PLCZ1: variants seen among roughly 807,000 people sequenced by gnomAD.
PLCZ1 encodes the protein 1-phosphatidylinositol 4,5-bisphosphate phosphodiesterase zeta-1.
A neutral mutation model predicts 76.8 loss-of-function variants in PLCZ1; 64 were observed. The observed-to-expected ratio is 0.83, with a 90% CI of 0.68 to 1.03. PLCZ1 has a LOEUF of 1.03. PLCZ1 is among the 50% of genes least tolerant of loss of function. The pLI is 0.00. For synonymous variants in PLCZ1, 248 were observed against 230.8 expected (o/e 1.07, Z -0.68); for missense variants, 751 against 713.7 (o/e 1.05, Z -0.60).
At chr12:18,650,723 T>C in the PLCZ1 span, among the ~76,000 whole-genome samples, 1 of 18,368 alleles carries the variant, frequency 5.4e-5, no homozygotes, top group Non-Finnish European at 8.6e-5. Context: ...TATATATATA[T>C]ATATATATAT....
intron 9 of PLCZ1, 34 bp from the exon 10 acceptor site, chr12:18,699,984 T>G: frequency 6.3e-7 from 1 of 1,581,410 alleles, no homozygotes; most frequent in Non-Finnish European, 8.6e-7. Context: ...TACATTTTTA[T>G]GCTAATCATT....
the PLCZ1 span, among the ~76,000 whole-genome samples, chr12:18,649,974 C>G: frequency 6.6e-6 from 1 of 151,816 alleles, no homozygotes; most frequent in East Asian, 1.9e-4. Flanking sequence ...CTCCCCTTTC[C>G]CATCAAGCTT....
chr12:18,669,314 G>T, the PLCZ1 span, among the ~76,000 whole-genome samples: 1 of 152,062 alleles, frequency 6.6e-6, no homozygotes, highest in African/African-American at 2.4e-5. Context: ...TATATGTGTG[G>T]TCTCTTGTAT....
the PLCZ1 span, among the ~76,000 whole-genome samples, chr12:18,658,964 T>C: frequency 1.3e-5 from 2 of 152,152 alleles, no homozygotes; most frequent in Non-Finnish European, 1.5e-5. Context: ...TTGGTGAAGA[T>C]ATTATAATCA....
chr12:18,737,367 T>G lies in PLCZ1; in HGVS notation c.5A>C (p.Glu2Ala). 6.2e-7 allele frequency: 1 copy of G among 1,613,710 alleles called. No homozygotes were observed. Among genetic ancestry groups the G allele is most frequent in the Admixed American group, 1.7e-5 (1 of 59,990 alleles). ...AGAAGCTCTCAATGGATATCTCATT[T>G]CCATAGTTTCATGACCTGTAGAGCC... M[E>A]MRWFLSKIQD... Residue 2 changes from glutamate to alanine, a missense_variant, in exon 2 of 15, where the codon GAA becomes GCA. Transcript: ENST00000266505.
intron 7 of PLCZ1, among the ~76,000 whole-genome samples, chr12:18,704,102 A>G (rs1956278967): frequency 6.6e-6 from 1 of 152,176 alleles, no homozygotes; most frequent in South Asian, 2.1e-4. Flanking sequence ...TGGTGTTACA[A>G]CAGAAAGTAA....
At chr12:18,683,987 A>T in intron 14 of PLCZ1, 143 bp downstream of exon 14, 1 of 1,045,520 alleles carries the variant, frequency 9.6e-7, no homozygotes, top group South Asian at 1.5e-5. Flanking sequence ...ATAATTCCAC[A>T]GAGAAAAAAT....
chr12:18,737,213 G>A, intron 2 of PLCZ1, 148 bp downstream of exon 2: 1 of 840,726 alleles, frequency 1.2e-6, no homozygotes, highest in Non-Finnish European at 2.0e-6. Context: ...GGGAAAGTTA[G>A]AAAAGCTCAG....
chr12:18,692,389 A>T (rs1954245164), intron 12 of PLCZ1, among the ~76,000 whole-genome samples: 1 of 152,206 alleles, frequency 6.6e-6, no homozygotes, highest in African/African-American at 2.4e-5. Context: ...TTTTCAAAAG[A>T]TTTAATGACA....
chr12:18,650,704 G>GTGTATATA, the PLCZ1 span, among the ~76,000 whole-genome samples: 2 of 57,762 alleles, frequency 3.5e-5, no homozygotes, highest in African/African-American at 5.2e-5. Context: ...GTGTGTGTGT[G>GTGTATATA]TATATATCTA....
At chr12:18,698,069 G>A (rs1348206266) in intron 10 of PLCZ1, among the ~76,000 whole-genome samples, 1 of 151,754 alleles carries the variant, frequency 6.6e-6, no homozygotes, top group Non-Finnish European at 1.5e-5. Context: ...TGAACAACAT[G>A]AGGACCTGTC....
the PLCZ1 span, among the ~76,000 whole-genome samples, chr12:18,647,325 T>C: frequency 6.6e-6 from 1 of 151,242 alleles, no homozygotes; most frequent in African/African-American, 2.4e-5. Flanking sequence ...AGACCAAGGG[T>C]AGAAAAACTA....
intron 7 of PLCZ1, among the ~76,000 whole-genome samples, chr12:18,703,717 A>G (rs1053593033): frequency 1.2e-4 from 19 of 152,208 alleles, no homozygotes; most frequent in Non-Finnish European, 1.5e-5. Flanking sequence ...TTTTGCCTGT[A>G]TAAAACAATT....
chr12:18,670,916 C>T, the PLCZ1 span, among the ~76,000 whole-genome samples: 7 of 152,142 alleles, frequency 4.6e-5, no homozygotes, highest in African/African-American at 1.4e-4. Flanking sequence ...GGCACAGTGG[C>T]TCATGCCTGT....
At chr12:18,685,844 G>GCACA (rs765449096) in intron 13 of PLCZ1, among the ~76,000 whole-genome samples, 70 of 48,240 alleles carry the variant, frequency 1.5e-3, no homozygotes, top group Middle Eastern at 9.6e-3. Context: ...ACACACACAC[G>GCACA]CGCACACACA....
the PLCZ1 span, among the ~76,000 whole-genome samples, chr12:18,657,558 G>T: frequency 6.6e-6 from 1 of 152,136 alleles, no homozygotes; most frequent in Admixed American, 6.6e-5. Context: ...GTAGTTTAAA[G>T]AAATCTCTGT....
chr12:18,666,483 G>T, the PLCZ1 span, among the ~76,000 whole-genome samples: 17 of 151,706 alleles, frequency 1.1e-4, no homozygotes, highest in Non-Finnish European at 1.9e-4. Flanking sequence ...AGACAAAGAA[G>T]GACATTATAT....
chr12:18,662,695 A>C, the PLCZ1 span, among the ~76,000 whole-genome samples: 1 of 152,098 alleles, frequency 6.6e-6, no homozygotes, highest in South Asian at 2.1e-4. Flanking sequence ...TGTAATTTTG[A>C]AGCATCAATA....
chr12:18,669,964 G>T, the PLCZ1 span, among the ~76,000 whole-genome samples: 2 of 151,946 alleles, frequency 1.3e-5, no homozygotes, highest in Non-Finnish European at 2.9e-5. Flanking sequence ...CACCGCGCCC[G>T]GCCCTCTTCC....
Sources: gnomAD v4.1 joint callset for allele counts (sites outside exome capture counted in the v4.1 genomes callset) on GRCh38, gnomAD v4.1.1 for gene constraint, MANE v1.5 for transcripts, NCBI Gene and HGNC (gene_info 2026-07-23, HGNC 2026-07-21) for gene names.